The following NEK11 variants were observed in gnomAD, a reference collection of about 807,000 sequenced individuals.
The protein encoded by NEK11 is NIMA related kinase 11.
In NEK11, 72 loss-of-function variants were observed where a neutral mutation model predicts 80.7. The observed-to-expected ratio is 0.89, with a 90% CI of 0.74 to 1.08. The LOEUF is 1.08. NEK11 is among the 50% of genes least tolerant of loss of function. The probability of loss-of-function intolerance (pLI) is 0.00; values close to 1 mark genes in which losing one functional copy is unlikely to be tolerated. For synonymous variants in NEK11, 251 were observed against 260.7 expected, an observed-to-expected ratio of 0.96 and a Z score of 0.36; for missense variants, 764 against 763.6, an observed-to-expected ratio of 1.00 and a Z score of -0.01.
At chr3:131,210,154 A>C (rs2094566625) in intron 14 of NEK11, among the ~76,000 whole-genome samples, 1 of 152,118 alleles carries the variant, frequency 6.6e-6, no homozygotes, top group South Asian at 2.1e-4. Context: ...CACTGCTTTA[A>C]ATGTGTCCCA....
intron 5 of NEK11, among the ~76,000 whole-genome samples, chr3:131,111,693 A>G (rs1408079733): frequency 6.6e-6 from 1 of 152,018 alleles, no homozygotes; most frequent in Non-Finnish European, 1.5e-5. Context: ...TGCAAAAGTA[A>G]TTGTGGTTTT....
In NEK11 at chr3:131,349,770, TC is replaced by T. The variant is rs774582304; in HGVS notation, c.1933del (p.Leu645SerfsTer65). 1 of 1,610,224 alleles carries T rather than the reference TC, an allele frequency of 6.2e-7. No individual in the cohort carries two copies. Among genetic ancestry groups the T allele is most frequent in the South Asian group, 1.1e-5 (1 of 90,422 alleles). On this transcript the variant is annotated frameshift_variant, in exon 18 of 18. Coordinates refer to ENST00000383366, the MANE Select transcript of NEK11 (RefSeq NM_024800.5). LOFTEE classifies it high-confidence loss of function. Reference protein sequence around the residue: ...MGKEPTLQNHL With the variant: ...MGKEPTLQNHX ...GAAAAGAACCTACTCTCCAGAACCA[TC>T]TCTAGGCAACTATCAAAAAGAAGCA...
intron 17 of NEK11, among the ~76,000 whole-genome samples, chr3:131,295,480 T>C (rs2096584006): frequency 1.3e-5 from 2 of 152,234 alleles, no homozygotes; most frequent in Non-Finnish European, 2.9e-5. Flanking sequence ...TACGTTATCA[T>C]GCGAATCATG....
At chr3:131,335,523 C>G (rs2097167009) in intron 17 of NEK11, among the ~76,000 whole-genome samples, 1 of 152,138 alleles carries the variant, frequency 6.6e-6, no homozygotes, top group Non-Finnish European at 1.5e-5. Context: ...ACTGAATGGG[C>G]AAAAACTGGA....
At chr3:131,273,291 T>C (rs1003328415) in intron 16 of NEK11, among the ~76,000 whole-genome samples, 187 bp from the exon 17 acceptor site, 2 of 152,238 alleles carry the variant, frequency 1.3e-5, no homozygotes, top group African/African-American at 4.8e-5. Context: ...ATTAAAACTG[T>C]AAATAATCTT....
chr3:131,132,762 A>G lies in NEK11; in HGVS notation c.473A>G (p.Asp158Gly). The G allele has an allele frequency of 6.5e-7, 1 of 1,531,228 alleles. No homozygotes were observed. Among genetic ancestry groups the G allele is most frequent in the Non-Finnish European group, 8.9e-7 (1 of 1,122,460 alleles). 94.9% of individuals were successfully genotyped at this position (1,531,228 alleles called of 1,614,324 possible). Residue 158 changes from aspartate (D) to glycine (G), a missense_variant, in exon 6 of 18, where the codon GAC becomes GGC. Coordinates refer to ENST00000383366, the MANE Select transcript of NEK11 (RefSeq NM_024800.5). ...TTTTGTAGGAGGATACTTCATCGAG[A>G]CTTAAAGTCAAAGAATGTATTTCTG... ...YMHERRILHR[D>G]LKSKNVFLKN...
chr3:131,095,603 A>G (rs1190141969), intron 4 of NEK11, among the ~76,000 whole-genome samples: 1 of 152,210 alleles, frequency 6.6e-6, no homozygotes, highest in Non-Finnish European at 1.5e-5. Context: ...GGAATTTCAT[A>G]TAATTTCTGG....
chr3:131,155,868 C>T (rs1446195655), intron 10 of NEK11, among the ~76,000 whole-genome samples: 2 of 152,192 alleles, frequency 1.3e-5, no homozygotes, highest in Admixed American at 6.5e-5. Flanking sequence ...TTTCCATCCT[C>T]ACTTTCAAAC....
intron 17 of NEK11, among the ~76,000 whole-genome samples, chr3:131,304,535 T>C (rs2096701307): frequency 6.6e-6 from 1 of 152,228 alleles, no homozygotes; most frequent in Non-Finnish European, 1.5e-5. Flanking sequence ...CTGATGTTCC[T>C]TCAATCTTTG....
At chr3:131,101,683 G>A (rs1030714151) in intron 4 of NEK11, among the ~76,000 whole-genome samples, 1 of 152,202 alleles carries the variant, frequency 6.6e-6, no homozygotes, top group African/African-American at 2.4e-5. Flanking sequence ...ATGTGGAGAA[G>A]AGAAGCATAT....
At chr3:131,150,235 G>T (rs2149790178) in intron 7 of NEK11, among the ~76,000 whole-genome samples, 1 of 151,828 alleles carries the variant, frequency 6.6e-6, no homozygotes, top group Non-Finnish European at 1.5e-5. Context: ...CTTGCTTTAT[G>T]GCCCTGTATA....
chr3:131,153,636 C>G (rs1287483827), intron 9 of NEK11, among the ~76,000 whole-genome samples: 2 of 152,092 alleles, frequency 1.3e-5, no homozygotes, highest in African/African-American at 4.8e-5. Context: ...ACCTTTTCAT[C>G]AGTGGGGCAT....
chr3:131,282,519 T>C (rs1283081423), intron 17 of NEK11, among the ~76,000 whole-genome samples: 1 of 152,136 alleles, frequency 6.6e-6, no homozygotes, highest in Non-Finnish European at 1.5e-5. Flanking sequence ...ATGCCTGTTC[T>C]CCTCCCCAGG....
intron 14 of NEK11, among the ~76,000 whole-genome samples, chr3:131,193,419 A>G (rs1315411923): frequency 2.0e-5 from 3 of 152,172 alleles, no homozygotes; most frequent in Non-Finnish European, 2.9e-5. Flanking sequence ...GAGAACTTCT[A>G]TTCTAGGCAT....
chr3:131,112,903 A>G (rs1450206702), intron 5 of NEK11, among the ~76,000 whole-genome samples: 2 of 152,202 alleles, frequency 1.3e-5, no homozygotes, highest in Non-Finnish European at 2.9e-5. Flanking sequence ...GAGCATAGAC[A>G]TTGAACTCCA....
At chr3:131,340,856 T>TA (rs1250052520) in intron 17 of NEK11, among the ~76,000 whole-genome samples, 11 of 151,976 alleles carry the variant, frequency 7.2e-5, no homozygotes, top group African/African-American at 2.4e-4. Context: ...TGACAATCCC[T>TA]AAAAAACTTA....
At chr3:131,137,795 C>A (rs753216942) in intron 7 of NEK11, among the ~76,000 whole-genome samples, 3 of 152,050 alleles carry the variant, frequency 2.0e-5, no homozygotes, top group Non-Finnish European at 4.4e-5. Context: ...AGGGGCAGTG[C>A]AAGATGGCTG....
At chr3:131,241,157 A>G (rs1027181833) in intron 15 of NEK11, among the ~76,000 whole-genome samples, 4 of 152,168 alleles carry the variant, frequency 2.6e-5, no homozygotes, top group African/African-American at 9.6e-5. Flanking sequence ...AAGAAAATAT[A>G]CTTGTTGGGA....
At chr3:131,064,640 T>C (rs1560231043) in intron 3 of NEK11, among the ~76,000 whole-genome samples, 1 of 152,184 alleles carries the variant, frequency 6.6e-6, no homozygotes, top group Non-Finnish European at 1.5e-5. Context: ...TTAGACAGTG[T>C]TGATGGTTGC....
Sources: gnomAD v4.1 joint callset for allele counts (sites outside exome capture counted in the v4.1 genomes callset) on GRCh38, gnomAD v4.1.1 for gene constraint, MANE v1.5 for transcripts, NCBI Gene and HGNC (gene_info 2026-07-23, HGNC 2026-07-21) for gene names.